Variants in GMDS observed in about 807,000 individuals in gnomAD.
The protein encoded by GMDS is GDP-mannose 4,6-dehydratase.
In GMDS, 20 loss-of-function variants were observed where a neutral mutation model predicts 49.9. The observed-to-expected ratio is 0.40, with a 90% CI of 0.28 to 0.58. The LOEUF (loss-of-function observed/expected upper bound fraction) is 0.58, where lower values mean the gene tolerates loss of function less well. Among genes scored for constraint, GMDS ranks in the 20% least tolerant of loss-of-function variants. The pLI, the probability that GMDS is intolerant of heterozygous loss-of-function variation, is 0.42. For missense variants in GMDS, 362 were observed against 481.4 expected (o/e 0.75, Z 2.32); for synonymous variants, 177 against 178.6 (o/e 0.99, Z 0.07).
chr6:2,165,294 G>A (rs991220244), intron 1 of GMDS, among the ~76,000 whole-genome samples: 5 of 152,224 alleles, frequency 3.3e-5, no homozygotes, highest in African/African-American at 7.2e-5. Context: ...CAGTCCACAC[G>A]CTGAAGAGCC....
chr6:2,201,013 T>C (rs1424692111), intron 1 of GMDS, among the ~76,000 whole-genome samples: 5 of 133,128 alleles, frequency 3.8e-5, no homozygotes, highest in African/African-American at 2.9e-5. Flanking sequence ...GAGGGCAGCA[T>C]GTTAGCAGAG....
intron 7 of GMDS, among the ~76,000 whole-genome samples, chr6:1,758,182 C>T (rs896142991): frequency 4.6e-5 from 7 of 152,192 alleles, no homozygotes; most frequent in East Asian, 1.9e-4. Context: ...AACTCTCTGC[C>T]GGGGCTTCTT....
rs571928347 is a variant in GMDS, at chr6:1,656,488, G to A, written c.988-31948C>T. Reference sequence around the variant, plus strand: ...ACAAATTCACATTTTCTGGGGCCGGGAGTGGTGGCTCATGCCTGTAATCCC... The same window carrying A: ...ACAAATTCACATTTTCTGGGGCCGGAAGTGGTGGCTCATGCCTGTAATCCC... On this transcript the variant is annotated intron_variant, in intron 9 of 10. Coordinates refer to ENST00000380815, the MANE Select transcript of GMDS (RefSeq NM_001500.4). 8.8e-4 allele frequency among the ~76,000 whole-genome samples: 134 copies of A among 152,302 alleles called. 1 individual carries two copies. Among genetic ancestry groups the A allele is most frequent in the African/African-American group, 3.1e-3 (127 of 41,564 alleles).
At chr6:1,681,618 C>T (rs1015235706) in intron 9 of GMDS, among the ~76,000 whole-genome samples, 1 of 152,158 alleles carries the variant, frequency 6.6e-6, no homozygotes, top group African/African-American at 2.4e-5. Context: ...CAGCCCCAGG[C>T]AGAGAGGCCA....
chr6:1,930,514 C>G (rs1581380000), intron 6 of GMDS: 2 of 271,784 alleles, frequency 7.4e-6, no homozygotes, highest in East Asian at 1.4e-4. Context: ...AATATGCAAC[C>G]CAGGCATTAG....
intron 4 of GMDS, among the ~76,000 whole-genome samples, chr6:2,010,612 T>A (rs1767501484): frequency 6.6e-6 from 1 of 152,120 alleles, no homozygotes; most frequent in Non-Finnish European, 1.5e-5. Context: ...AAAAATTCAC[T>A]GAGAGCAAAC....
chr6:1,688,518 T>G (rs573239966), intron 9 of GMDS, among the ~76,000 whole-genome samples: 1 of 152,340 alleles, frequency 6.6e-6, no homozygotes, highest in African/African-American at 2.4e-5. Flanking sequence ...TTACATCCTC[T>G]CCGTGATTCT....
rs535124071 is a variant in GMDS, at chr6:1,738,083, C to A, written c.890+4385G>T. ...CACATACACACATACCACACACACA[C>A]CACACACATACACACCACACATATA... On this transcript the variant is annotated intron_variant, in intron 8 of 10. Coordinates refer to ENST00000380815, the MANE Select transcript of GMDS (RefSeq NM_001500.4). Among the ~76,000 whole-genome samples the A allele has an allele frequency of 8.0e-3, 1,162 of 145,842 alleles. 16 individuals carry two copies. The highest frequency in any genetic ancestry group is 0.028 in the African/African-American group (1,107 of 39,306).
chr6:2,081,983 T>C (rs1202662300), intron 4 of GMDS, among the ~76,000 whole-genome samples: 1 of 152,074 alleles, frequency 6.6e-6, no homozygotes, highest in Non-Finnish European at 1.5e-5. Context: ...CAGCTCAATC[T>C]CACCACTGCC....
chr6:1,794,548 T>C (rs1769664765), intron 7 of GMDS, among the ~76,000 whole-genome samples: 1 of 152,190 alleles, frequency 6.6e-6, no homozygotes, highest in Non-Finnish European at 1.5e-5. Flanking sequence ...GAAAATGTAC[T>C]AGCCTTAGAG....
In GMDS at chr6:2,166,966, T is replaced by C. The variant is rs1487182110; in HGVS notation, c.103-42235A>G. On this transcript the variant is annotated intron_variant, in intron 1 of 10. Coordinates refer to ENST00000380815, the MANE Select transcript of GMDS (RefSeq NM_001500.4). The stretch of plus-strand genomic sequence containing the variant: ...CCAAGGAAAATCCCAGGGAAGACCG[T>C]TGCCTCTACAAATAGATGATTCAAT... Among the ~76,000 whole-genome samples the C allele has an allele frequency of 3.3e-5, 5 of 152,226 alleles. No homozygotes were observed. In the East Asian group the frequency reaches 9.6e-4, roughly 29 times the overall value.
intron 7 of GMDS, among the ~76,000 whole-genome samples, chr6:1,792,748 G>A (rs192259174): frequency 1.9e-4 from 29 of 152,186 alleles, no homozygotes; most frequent in South Asian, 6.2e-4. Context: ...TTGCTCTACT[G>A]GCTTCTTATT....
intron 9 of GMDS, among the ~76,000 whole-genome samples, chr6:1,655,059 CAA>C (rs66508419): frequency 0.47 from 55,127 of 117,068 alleles, 10,745 homozygotes; most frequent in Middle Eastern, 0.51. Context: ...GATACCGTCT[CAA>C]AAAAAAAAAA....
chr6:1,971,096 G>A lies in GMDS; in HGVS notation c.346-10130C>T, dbSNP rs969971681. 2.6e-5 allele frequency among the ~76,000 whole-genome samples: 4 copies of A among 150,954 alleles called. No homozygotes were observed. In the East Asian group the frequency reaches 5.8e-4, roughly 22 times the overall value. On this transcript the variant is annotated intron_variant, in intron 4 of 10. Transcript: ENST00000380815. The stretch of plus-strand genomic sequence containing the variant: ...GAGCAAAAGGAGAGATAAATGCACC[G>A]GCAATGTTTGGGGAATAAAGTGCTA...
At chr6:2,209,700 C>T (rs1193268694) in intron 1 of GMDS, among the ~76,000 whole-genome samples, 1 of 152,038 alleles carries the variant, frequency 6.6e-6, no homozygotes, top group Non-Finnish European at 1.5e-5. Flanking sequence ...TATAAAACCT[C>T]TAGAAGCCAG....
At chr6:1,921,537 G>A (rs1299922693) in intron 7 of GMDS, among the ~76,000 whole-genome samples, 2 of 152,112 alleles carry the variant, frequency 1.3e-5, no homozygotes, top group Admixed American at 6.5e-5. Context: ...TGCACAGGAT[G>A]AAGAAGAGAA....
intron 1 of GMDS, among the ~76,000 whole-genome samples, chr6:2,187,235 T>G (rs1778817575): frequency 6.6e-6 from 1 of 152,212 alleles, no homozygotes; most frequent in Non-Finnish European, 1.5e-5. Flanking sequence ...GAGTGGCCCC[T>G]ACCTGTCTTC....
chr6:1,825,561 G>A (rs576056205), intron 7 of GMDS, among the ~76,000 whole-genome samples: 3 of 152,228 alleles, frequency 2.0e-5, no homozygotes, highest in African/African-American at 7.2e-5. Context: ...AACCCACATA[G>A]TAGAGTCTAC....
chr6:1,700,226 A>G (rs1422309099), intron 9 of GMDS, among the ~76,000 whole-genome samples: 1 of 152,200 alleles, frequency 6.6e-6, no homozygotes, highest in Admixed American at 6.5e-5. Flanking sequence ...AGAATTTTTT[A>G]AAGTATTATT....
Sources: allele counts gnomAD v4.1 joint callset (sites outside exome capture counted in the v4.1 genomes callset), GRCh38; gene constraint gnomAD v4.1.1; transcripts MANE v1.5; gene names NCBI Gene and HGNC (gene_info 2026-07-23, HGNC 2026-07-21).